The following HNRNPC variants were observed in gnomAD, a reference collection of about 807,000 sequenced individuals.
HNRNPC encodes heterogeneous nuclear ribonucleoprotein C, also known as heterogeneous nuclear ribonucleoproteins C1/C2.
HNRNPC carries 3 observed loss-of-function variants against 33.2 expected under a neutral mutation model. That is an observed-to-expected ratio of 0.09 (90% CI 0.04 to 0.23). HNRNPC has a LOEUF of 0.23. HNRNPC is among the 10% of genes least tolerant of loss of function. The pLI is 1.00. For missense variants in HNRNPC, 143 were observed against 366.7 expected (o/e 0.39, Z 4.98); for synonymous variants, 121 against 126.7 (o/e 0.96, Z 0.30).
intron 3 of HNRNPC, among the ~76,000 whole-genome samples, chr14:21,233,542 A>G (rs1894345012): frequency 1.3e-5 from 2 of 152,212 alleles, no homozygotes; most frequent in South Asian, 2.1e-4. Flanking sequence ...GTGTCATTAC[A>G]TTTTAAAATA....
chr14:21,223,180 T>G (rs999780250), intron 5 of HNRNPC, among the ~76,000 whole-genome samples: 2 of 152,014 alleles, frequency 1.3e-5, no homozygotes, highest in Non-Finnish European at 2.9e-5. Context: ...CAATCCAGCC[T>G]GGGAAACAGG....
intron 2 of HNRNPC, among the ~76,000 whole-genome samples, chr14:21,238,266 T>C (rs1030674419): frequency 5.3e-5 from 8 of 152,200 alleles, no homozygotes; most frequent in African/African-American, 1.4e-4. Flanking sequence ...ATAATAGTCT[T>C]TTAAAAATAC....
chr14:21,214,566 C>A lies in HNRNPC; in HGVS notation c.366-1449G>T, dbSNP rs538353113. ...ACCACTGCACTCATGCGGAACAGAG[C>A]AACACTGTCTCAAAAAAAAAGAAAA... On this transcript the variant is annotated intron_variant, in intron 5 of 8. Coordinates refer to ENST00000553300, the MANE Select transcript of HNRNPC (RefSeq NM_004500.4). 1.2e-4 allele frequency among the ~76,000 whole-genome samples: 18 copies of A among 152,016 alleles called. 2 individuals are homozygous for A. In the South Asian group the frequency reaches 1.5e-3, roughly 12 times the overall value.
At chr14:21,246,866 T>A (rs149775630) in intron 2 of HNRNPC, among the ~76,000 whole-genome samples, 71 of 152,358 alleles carry the variant, frequency 4.7e-4, no homozygotes, top group African/African-American at 1.6e-3. Context: ...ACATTTGTGA[T>A]GATTTACTTC....
At chr14:21,255,294 T>C (rs1327635924) in intron 2 of HNRNPC, among the ~76,000 whole-genome samples, 1 of 152,148 alleles carries the variant, frequency 6.6e-6, no homozygotes, top group Non-Finnish European at 1.5e-5. Flanking sequence ...TAGGTCAATA[T>C]AATTAGAAAA....
At chr14:21,261,820 T>C (rs1878296359) in intron 2 of HNRNPC, among the ~76,000 whole-genome samples, 1 of 152,346 alleles carries the variant, frequency 6.6e-6, no homozygotes, top group South Asian at 2.1e-4. Flanking sequence ...TCAAAACATT[T>C]TGCTGCAGTG....
chr14:21,214,451 T>C (rs183087062), intron 5 of HNRNPC, among the ~76,000 whole-genome samples: 1 of 152,142 alleles, frequency 6.6e-6, no homozygotes, highest in Non-Finnish European at 1.5e-5. Context: ...GGAGTGGCTA[T>C]GGACAGGAAC....
chr14:21,225,500 T>C (rs1893323208), intron 5 of HNRNPC, among the ~76,000 whole-genome samples: 2 of 151,714 alleles, frequency 1.3e-5, no homozygotes, highest in Non-Finnish European at 2.9e-5. Context: ...TAAATCAGTC[T>C]CTATGAAGGC....
At chr14:21,259,531 C>T (rs1877813670) in intron 2 of HNRNPC, among the ~76,000 whole-genome samples, 1 of 151,756 alleles carries the variant, frequency 6.6e-6, no homozygotes. Flanking sequence ...ATTCTTTTTC[C>T]CACCCTCAAA....
intron 2 of HNRNPC, among the ~76,000 whole-genome samples, chr14:21,244,076 T>G (rs2139737611): frequency 6.6e-6 from 1 of 152,124 alleles, no homozygotes; most frequent in Admixed American, 6.6e-5. Flanking sequence ...TTGCCCAGGC[T>G]GGATTGCAGT....
chr14:21,235,827 GAA>G (rs1346035963), intron 2 of HNRNPC, among the ~76,000 whole-genome samples: 6 of 152,000 alleles, frequency 3.9e-5, no homozygotes, highest in African/African-American at 1.4e-4. Flanking sequence ...TTTATCAATA[GAA>G]AATATAATCT....
At chr14:21,257,132 T>C (rs1055611060) in intron 2 of HNRNPC, among the ~76,000 whole-genome samples, 4 of 152,184 alleles carry the variant, frequency 2.6e-5, no homozygotes, top group Admixed American at 1.3e-4. Flanking sequence ...AGTTGACATA[T>C]TGGATATTCA....
At chr14:21,262,391 GT>G (rs1163717549) in intron 2 of HNRNPC, among the ~76,000 whole-genome samples, 1 of 152,190 alleles carries the variant, frequency 6.6e-6, no homozygotes, top group Non-Finnish European at 1.5e-5. Flanking sequence ...TATCCAAAAT[GT>G]TCTAATCAGC....
At chr14:21,239,452 C>A (rs1895098756) in intron 2 of HNRNPC, among the ~76,000 whole-genome samples, 1 of 151,986 alleles carries the variant, frequency 6.6e-6, no homozygotes, top group South Asian at 2.1e-4. Context: ...GCACTCCAGT[C>A]TGGGTGACAG....
At chr14:21,230,266 A>G in intron 5 of HNRNPC, 53 bp downstream of exon 5, 2 of 1,297,188 alleles carry the variant, frequency 1.5e-6, no homozygotes, top group Non-Finnish European at 2.2e-6. Context: ...AGAAGAACGA[A>G]ATGGTTCTCA....
chr14:21,256,243 C>T (rs1462706190), intron 2 of HNRNPC, among the ~76,000 whole-genome samples: 2 of 151,994 alleles, frequency 1.3e-5, no homozygotes, highest in African/African-American at 4.8e-5. Context: ...GTCAAGAAAT[C>T]GAGACTATCC....
rs770485693 is a variant in HNRNPC, at chr14:21,211,218, T to C, written c.*5A>G. On this transcript the variant is annotated 3_prime_UTR_variant, in exon 9 of 9. Coordinates refer to ENST00000553300, the MANE Select transcript of HNRNPC (RefSeq NM_004500.4). Reference sequence around the variant, plus strand: ...GGGATAAGATTTCTAAACCCCACTATGTGCTTAAGAGTCATCCTCGCCATT... The same window carrying C: ...GGGATAAGATTTCTAAACCCCACTACGTGCTTAAGAGTCATCCTCGCCATT... The C allele has an allele frequency of 1.2e-6, 2 of 1,613,516 alleles. No homozygotes were observed. Among genetic ancestry groups the C allele is most frequent in the Non-Finnish European group, 1.7e-6 (2 of 1,179,520 alleles).
intron 5 of HNRNPC, among the ~76,000 whole-genome samples, chr14:21,222,267 G>T (rs1026280088): frequency 6.6e-6 from 1 of 152,124 alleles, no homozygotes; most frequent in African/African-American, 2.4e-5. Flanking sequence ...TGGTCAGGTT[G>T]ACCATATAAT....
intron 2 of HNRNPC, among the ~76,000 whole-genome samples, chr14:21,241,205 G>A (rs1895295877): frequency 6.9e-6 from 1 of 144,068 alleles, no homozygotes. Flanking sequence ...GTTGTAGTAA[G>A]CCGAGATTGC....
Sources: allele counts gnomAD v4.1 joint callset (sites outside exome capture counted in the v4.1 genomes callset), GRCh38; gene constraint gnomAD v4.1.1; transcripts MANE v1.5; gene names NCBI Gene and HGNC (gene_info 2026-07-23, HGNC 2026-07-21).